Variants in ZBTB32 observed in about 807,000 individuals in gnomAD.
ZBTB32 encodes the protein zinc finger and BTB domain-containing protein 32.
Under a neutral mutation model 45.3 loss-of-function variants are expected in ZBTB32, and 28 were observed. The observed-to-expected ratio is 0.62, with a 90% CI of 0.46 to 0.85. The LOEUF is 0.85. Ranked by LOEUF, ZBTB32 falls within the 40% of genes least tolerant of loss-of-function variation. ZBTB32 has a pLI of 0.00. For missense variants in ZBTB32, 587 were observed against 624.4 expected (o/e 0.94, Z 0.64); for synonymous variants, 283 against 255.7 (o/e 1.11, Z -1.02).
chr19:35,716,897 C>A lies in ZBTB32; in HGVS notation c.*145C>A. 1.1e-6 allele frequency: 1 copy of A among 939,438 alleles called. No individual in the cohort carries two copies. Among genetic ancestry groups the A allele is most frequent in the Admixed American group, 2.8e-5 (1 of 35,776 alleles). 58.2% of individuals were successfully genotyped at this position (939,438 alleles called of 1,614,324 possible). ...CAGGAAGGGCGCCGAGTGCCCTCTC[C>A]TGGACGATCGCGGGTCGCAGAAGCC... is the stretch of plus-strand genomic sequence containing the variant. On this transcript the variant is annotated 3_prime_UTR_variant, in exon 7 of 7. Transcript: ENST00000392197.
At position 35,716,195 on chromosome 19, in the gene ZBTB32, C is replaced by T; in HGVS notation, c.1087C>T (p.Pro363Ser). The T allele has an allele frequency of 6.2e-7, 1 of 1,613,804 alleles. No individual in the cohort carries two copies. The highest frequency in any genetic ancestry group is 8.5e-7 in the Non-Finnish European group (1 of 1,179,906). The part of the protein sequence containing the change: ...KAGCPPRPHP[P>S]PAPPARSRPY... ...AGGCTGCCCACCTCGCCCGCACCCT[C>T]CCCCGGCCCCTCCTGCTCGGTCTCG... Residue 363 changes from proline (P) to serine (S), a missense_variant, in exon 6 of 7, where the codon CCC becomes TCC. Physicochemically the swap from Pro to Ser is moderately conservative, Grantham distance 74 (BLOSUM62 -1). Transcript: ENST00000392197.
At chr19:35,709,841 T>C (rs911094180) in intron 1 of ZBTB32, among the ~76,000 whole-genome samples, 5 of 150,672 alleles carry the variant, frequency 3.3e-5, no homozygotes, top group East Asian at 1.9e-4. Context: ...ATTGCGCCAC[T>C]GCACTCCAGC....
intron 1 of ZBTB32, among the ~76,000 whole-genome samples, chr19:35,711,686 T>G (rs550992641): frequency 2.3e-4 from 35 of 152,068 alleles, no homozygotes; most frequent in Middle Eastern, 3.4e-3. Context: ...AAACGGGAGC[T>G]TAGGGACAGT....
In ZBTB32 at chr19:35,714,541, T is replaced by C; in HGVS notation, c.-86T>C. The C allele has an allele frequency of 7.3e-7, 1 of 1,364,696 alleles. No homozygotes were observed. 84.5% of individuals were successfully genotyped at this position (1,364,696 alleles called of 1,614,324 possible). ...TCCACAGGCTTGAAATGAGATGAGA[T>C]GTTCCTCCCTCCCCTTTCAACCATG... On this transcript the variant is annotated 5_prime_UTR_variant, in exon 3 of 7. An upstream start codon of the reference 5' UTR is lost. Coordinates refer to ENST00000392197, the MANE Select transcript of ZBTB32 (RefSeq NM_014383.3).
At chr19:35,707,377 T>TTC (rs1350031298) in intron 1 of ZBTB32, among the ~76,000 whole-genome samples, 2 of 148,992 alleles carry the variant, frequency 1.3e-5, no homozygotes, top group African/African-American at 5.0e-5. Context: ...TTCTTTTTTT[T>TTC]TTTTTTTTTC....
At chr19:35,715,877 C>G in intron 4 of ZBTB32, 47 bp downstream of exon 4, 1 of 1,610,162 alleles carries the variant, frequency 6.2e-7, no homozygotes, top group Non-Finnish European at 8.5e-7. Flanking sequence ...GGTGTCTTCT[C>G]TGGGCTGGGG....
rs1005357367 is a variant in ZBTB32 at position 35,716,966 on chromosome 19, G to A, written c.*214G>A. On this transcript the variant is annotated 3_prime_UTR_variant, in exon 7 of 7. Transcript: ENST00000392197. Reference sequence around the variant, plus strand: ...AGAGTGAGGACACTGAAGTGTGCAGGAGCGAAGGTTAACAGTAGGGGAGAT... The same window carrying A: ...AGAGTGAGGACACTGAAGTGTGCAGAAGCGAAGGTTAACAGTAGGGGAGAT... 3 of 599,092 alleles carry A rather than the reference G, an allele frequency of 5.0e-6. No homozygotes were observed. Among genetic ancestry groups the A allele is most frequent in the African/African-American group, 1.9e-5 (1 of 53,968 alleles). The allele number at this position is 599,092 out of a possible 1,614,324, so 37.1% of individuals were successfully genotyped here.
Position 35,716,487 on chromosome 19 carries a change from C to T in ZBTB32, c.1199C>T (p.Pro400Leu). The change falls in exon 7 of 7, where the codon CCC (proline) becomes CTC (leucine). Residue 400 changes from proline (P) to leucine (L), a missense_variant. Pro to Leu is a moderately conservative substitution (Grantham distance 98). Coordinates refer to ENST00000392197, the MANE Select transcript of ZBTB32 (RefSeq NM_014383.3). ...CTTCCGACCGCTCTAGGAGAGAAGC[C>T]CTTCTCCTGTAGCCTTTGTCCTCAG... Reference protein sequence around the residue: ...THYRVHTGEKPFSCSLCPQRS... With the variant: ...THYRVHTGEKLFSCSLCPQRS... 6.2e-7 allele frequency: 1 copy of T among 1,605,262 alleles called. No homozygotes were observed. The highest frequency in any genetic ancestry group is 8.5e-7 in the Non-Finnish European group (1 of 1,173,804).
chr19:35,710,465 G>A (rs1968657980), intron 1 of ZBTB32, among the ~76,000 whole-genome samples: 1 of 151,782 alleles, frequency 6.6e-6, no homozygotes, highest in East Asian at 1.9e-4. Context: ...CTAGGGAGGG[G>A]GAGTACTTTT....
chr19:35,704,790 T>G (rs1599643262), intron 1 of ZBTB32, among the ~76,000 whole-genome samples, 167 bp downstream of exon 1: 1 of 152,382 alleles, frequency 6.6e-6, no homozygotes, highest in East Asian at 1.9e-4. Flanking sequence ...AAATGCAGCC[T>G]CCTGGCCACC....
intron 1 of ZBTB32, among the ~76,000 whole-genome samples, chr19:35,707,823 A>G (rs899364844): frequency 3.9e-5 from 6 of 152,020 alleles, no homozygotes; most frequent in African/African-American, 1.4e-4. Flanking sequence ...CTCTACTAAA[A>G]ATACAAAAAT....
Position 35,716,706 on chromosome 19 carries a change from C to T in ZBTB32, c.1418C>T (p.Ser473Phe). 12 of 1,613,988 alleles carry T rather than the reference C, an allele frequency of 7.4e-6. No individual in the cohort carries two copies. Among genetic ancestry groups the T allele is most frequent in the Non-Finnish European group, 1.0e-5 (12 of 1,179,910 alleles). The part of the protein sequence containing the change: ...STFLYSSSRP[S>F]RPSTSPCCPS... ...TTCCTCTACTCCTCCTCGAGGCCGT[C>T]TCGGCCCTCGACCTCTCCCTGTTGT... is the stretch of plus-strand genomic sequence containing the variant. The change falls in exon 7 of 7, where the codon TCT becomes TTT. Residue 473 changes from serine (S) to phenylalanine (F), a missense_variant. Coordinates refer to ENST00000392197, the MANE Select transcript of ZBTB32 (RefSeq NM_014383.3).
chr19:35,715,411 T>A lies in ZBTB32; in HGVS notation c.785T>A (p.Leu262Gln). Residue 262 changes from leucine to glutamine, a missense_variant, in exon 3 of 7, where the codon CTG (leucine) becomes CAG (glutamine). Physicochemically the swap from Leu to Gln is moderately radical, Grantham distance 113. Coordinates refer to ENST00000392197, the MANE Select transcript of ZBTB32 (RefSeq NM_014383.3). ...APWLVGGQPA[L>Q]WSILLMPPRY... Reference sequence around the variant, plus strand: ...TGGTTGGTGGGGGGCCAGCCTGCCCTGTGGAGCATCCTGCTGATGCCGCCC... The same window carrying A: ...TGGTTGGTGGGGGGCCAGCCTGCCCAGTGGAGCATCCTGCTGATGCCGCCC... 1.2e-6 allele frequency: 2 copies of A among 1,609,810 alleles called. No homozygotes were observed. Among genetic ancestry groups the A allele is most frequent in the Non-Finnish European group, 1.7e-6 (2 of 1,178,602 alleles).
In ZBTB32 at chr19:35,716,282, T is replaced by A. The variant is rs1448306769; in HGVS notation, c.1174T>A (p.Tyr392Asn). Residue 392 changes from tyrosine (Y) to asparagine (N), a missense_variant, in exon 6 of 7, where the codon TAC (tyrosine) becomes AAC (asparagine). Physicochemically the swap from Tyr to Asn is moderately radical, Grantham distance 143. Coordinates refer to ENST00000392197, the MANE Select transcript of ZBTB32 (RefSeq NM_014383.3). Reference sequence around the variant, plus strand: ...ACTCAAGCATCAGATGGAGACGCACTACCGAGTCCACACAGGTATGGGCGC... The same window carrying A: ...ACTCAAGCATCAGATGGAGACGCACAACCGAGTCCACACAGGTATGGGCGC... Reference protein sequence around the residue: ...FSLKHQMETHYRVHTGEKPFS... With the variant: ...FSLKHQMETHNRVHTGEKPFS... 1 of 1,612,676 alleles carries A rather than the reference T, an allele frequency of 6.2e-7. No individual in the cohort carries two copies. Among genetic ancestry groups the A allele is most frequent in the East Asian group, 2.2e-5 (1 of 44,770 alleles).
rs202219173 is a variant in ZBTB32, at chr19:35,716,592, C to T, written c.1304C>T (p.Ala435Val). The T allele has an allele frequency of 3.1e-5, 50 of 1,613,072 alleles. No individual in the cohort carries two copies. The Admixed American group carries it at 3.7e-4, about 12-fold the overall frequency. Residue 435 changes from alanine (A) to valine (V), a missense_variant, in exon 7 of 7, where the codon GCC becomes GTC. By Grantham distance (64) the Ala-to-Val change is moderately conservative. Coordinates refer to ENST00000392197, the MANE Select transcript of ZBTB32 (RefSeq NM_014383.3). ...CCGTACCGCTGCTCCCTGTGCGGGG[C>T]CGGCTGTCCCAGCCTGGCCTCCATG... ...AAPYRCSLCG[A>V]GCPSLASMQA...
rs143646755 is a variant in ZBTB32, at chr19:35,716,173, C to T, written c.1065C>T (p.Gly355=). Residue 355 remains glycine (G), a synonymous_variant, in exon 6 of 7, where the codon GGC becomes GGT. Transcript: ENST00000392197. ...GTGCGGGTCATGAGGACAAGGCAGG[C>T]TGCCCACCTCGCCCGCACCCTCCCC... ...ATCAGHEDKA[G]CPPRPHPPPA... The T allele has an allele frequency of 3.1e-6, 5 of 1,613,776 alleles. No homozygotes were observed. The African/African-American group carries it at 6.7e-5, about 22-fold the overall frequency.
In ZBTB32 at chr19:35,715,259, G is replaced by A. The variant is rs1185302619; in HGVS notation, c.633G>A (p.Val211=). ...GGGGAGCAGATGGGAAGCATGGAGTGCTCACGTGGTTGAGGGAAAATCCAG... is the reference window on the plus strand; with the variant it reads ...GGGGAGCAGATGGGAAGCATGGAGTACTCACGTGGTTGAGGGAAAATCCAG... ...GQRGADGKHG[V]LTWLRENPGG... The change falls in exon 3 of 7, where the codon GTG becomes GTA. Residue 211 remains valine (V), a synonymous_variant. Transcript: ENST00000392197. The A allele has an allele frequency of 6.9e-6, 11 of 1,590,216 alleles. No individual in the cohort carries two copies. The highest frequency in any genetic ancestry group is 9.4e-6 in the Non-Finnish European group (11 of 1,169,974).
intron 1 of ZBTB32, among the ~76,000 whole-genome samples, chr19:35,706,667 C>A (rs1327393739): frequency 6.6e-6 from 1 of 151,974 alleles, no homozygotes; most frequent in Non-Finnish European, 1.5e-5. Context: ...TTGCAGTGAG[C>A]CGAGATCGCG....
chr19:35,712,625 C>A (rs961197911), intron 1 of ZBTB32, among the ~76,000 whole-genome samples: 3 of 152,188 alleles, frequency 2.0e-5, no homozygotes, highest in African/African-American at 7.2e-5. Flanking sequence ...ACCTTGACCC[C>A]TTGGGCAGGA....
Sources: gnomAD v4.1 joint callset for allele counts (sites outside exome capture counted in the v4.1 genomes callset) on GRCh38, gnomAD v4.1.1 for gene constraint, MANE v1.5 for transcripts, NCBI Gene and HGNC (gene_info 2026-07-23, HGNC 2026-07-21) for gene names.